Variants in DLG2 observed in about 807,000 individuals in gnomAD.
DLG2 encodes the protein discs large MAGUK scaffold protein 2.
In DLG2, 45 loss-of-function variants were observed where a neutral mutation model predicts 132.5. That is an observed-to-expected ratio of 0.34 (90% confidence interval 0.27 to 0.44). The LOEUF (loss-of-function observed/expected upper bound fraction) is 0.44. Among genes scored for constraint, DLG2 ranks in the 20% least tolerant of loss-of-function variants. The pLI is 1.00. For missense variants in DLG2, 1,045 were observed against 1,196.9 expected, an observed-to-expected ratio of 0.87 and a Z score of 1.87; for synonymous variants, 424 against 419.6, an observed-to-expected ratio of 1.01 and a Z score of -0.13.
intron 5 of DLG2, among the ~76,000 whole-genome samples, chr11:85,120,323 T>C (rs953771706): frequency 6.6e-6 from 1 of 152,090 alleles, no homozygotes; most frequent in Non-Finnish European, 1.5e-5. Flanking sequence ...CAATTAGATA[T>C]GTTCTCAGTT....
intron 8 of DLG2, among the ~76,000 whole-genome samples, chr11:84,213,818 C>CAAAAAAA: frequency 2.1e-5 from 1 of 46,558 alleles, no homozygotes; most frequent in Non-Finnish European, 5.6e-5. Flanking sequence ...GACTCCGTCT[C>CAAAAAAA]AAAAAAAAAA....
chr11:84,089,907 T>G (rs1193096155), intron 10 of DLG2, among the ~76,000 whole-genome samples: 1 of 152,196 alleles, frequency 6.6e-6, no homozygotes, highest in Non-Finnish European at 1.5e-5. Flanking sequence ...ATGTCATTGC[T>G]GCATTGCCAA....
intron 2 of DLG2, among the ~76,000 whole-genome samples, chr11:85,601,337 G>C (rs2080141145): frequency 6.6e-6 from 1 of 151,682 alleles, no homozygotes; most frequent in African/African-American, 2.4e-5. Flanking sequence ...TTAAGTGGTT[G>C]AGTTTAACTT....
At chr11:83,685,445 C>G (rs1173184389) in intron 18 of DLG2, among the ~76,000 whole-genome samples, 2 of 152,144 alleles carry the variant, frequency 1.3e-5, no homozygotes, top group Non-Finnish European at 2.9e-5. Flanking sequence ...CAGCATTTGG[C>G]AGAATCAATT....
At chr11:85,256,549 C>A (rs1041522250) in intron 4 of DLG2, among the ~76,000 whole-genome samples, 1 of 152,174 alleles carries the variant, frequency 6.6e-6, no homozygotes, top group African/African-American at 2.4e-5. Context: ...AACACATACC[C>A]ACTTGGGCTC....
intron 8 of DLG2, among the ~76,000 whole-genome samples, chr11:84,175,247 C>T (rs767214505): frequency 1.3e-5 from 2 of 152,128 alleles, no homozygotes; most frequent in Non-Finnish European, 2.9e-5. Flanking sequence ...CTTGCCAGCT[C>T]CTCACATTGT....
chr11:84,848,988 AC>A (rs1214057788), intron 6 of DLG2, among the ~76,000 whole-genome samples: 2 of 152,226 alleles, frequency 1.3e-5, no homozygotes. Flanking sequence ...AGAAGGCCTG[AC>A]AACTTCTAAT....
intron 14 of DLG2, among the ~76,000 whole-genome samples, chr11:83,948,112 T>C (rs569141005): frequency 2.0e-5 from 3 of 152,370 alleles, no homozygotes; most frequent in East Asian, 3.9e-4. Flanking sequence ...TATTTCGTTT[T>C]GCCTTCATCT....
intron 6 of DLG2, among the ~76,000 whole-genome samples, chr11:84,844,241 G>T (rs912905220): frequency 4.1e-5 from 6 of 148,010 alleles, no homozygotes; most frequent in African/African-American, 1.5e-4. Context: ...TATTTAATGT[G>T]CTTTGTACAT....
intron 18 of DLG2, among the ~76,000 whole-genome samples, chr11:83,764,999 T>A (rs1017180880): frequency 6.6e-6 from 1 of 152,176 alleles, no homozygotes; most frequent in Non-Finnish European, 1.5e-5. Flanking sequence ...TGATCCATGT[T>A]TTTAGAAATA....
chr11:84,069,317 G>C (rs529250113), intron 10 of DLG2, among the ~76,000 whole-genome samples: 1 of 152,290 alleles, frequency 6.6e-6, no homozygotes, highest in East Asian at 1.9e-4. Flanking sequence ...CTGAGTATGT[G>C]ATAAAAGTCC....
chr11:85,092,791 C>T (rs1411993268), intron 6 of DLG2, among the ~76,000 whole-genome samples: 1 of 151,948 alleles, frequency 6.6e-6, no homozygotes, highest in African/African-American at 2.4e-5. Context: ...TACAGGCATG[C>T]GCTGCCACGA....
intron 3 of DLG2, among the ~76,000 whole-genome samples, chr11:85,471,788 T>G (rs1039884730): frequency 6.6e-6 from 1 of 151,976 alleles, no homozygotes; most frequent in Non-Finnish European, 1.5e-5. Flanking sequence ...ATCAATGAGC[T>G]AAAGGAAGAA....
At chr11:84,893,518 C>G (rs2089745107) in intron 6 of DLG2, among the ~76,000 whole-genome samples, 2 of 152,106 alleles carry the variant, frequency 1.3e-5, no homozygotes, top group Non-Finnish European at 2.9e-5. Context: ...GAGCTCAGGT[C>G]CCTTCTTCCT....
intron 8 of DLG2, among the ~76,000 whole-genome samples, chr11:84,224,973 G>T (rs1312557734): frequency 6.6e-6 from 1 of 152,090 alleles, no homozygotes; most frequent in African/African-American, 2.4e-5. Flanking sequence ...AAGATGATTT[G>T]CCTTTCCTGA....
chr11:85,239,909 A>G (rs922848488), intron 4 of DLG2, among the ~76,000 whole-genome samples: 33 of 151,968 alleles, frequency 2.2e-4, no homozygotes, highest in Admixed American at 1.3e-3. Flanking sequence ...TCTCTAGGGT[A>G]TATACCTAGG....
intron 7 of DLG2, among the ~76,000 whole-genome samples, chr11:84,411,748 A>C (rs1349599870): frequency 1.3e-5 from 2 of 152,196 alleles, no homozygotes; most frequent in Non-Finnish European, 2.9e-5. Flanking sequence ...GTATTACACA[A>C]CACATAGTAT....
chr11:83,800,472 TCCC>T (rs2044052518), intron 17 of DLG2, among the ~76,000 whole-genome samples: 2 of 152,226 alleles, frequency 1.3e-5, no homozygotes, highest in Admixed American at 1.3e-4. Flanking sequence ...TAAGTTCCCT[TCCC>T]CTCCTGGAGG....
At chr11:83,670,746 G>C (rs185626569) in intron 18 of DLG2, among the ~76,000 whole-genome samples, 2 of 152,204 alleles carry the variant, frequency 1.3e-5, no homozygotes, top group African/African-American at 4.8e-5. Context: ...AACTCTGAAG[G>C]ACAGATATAT....
Sources: gnomAD v4.1 joint callset for allele counts (sites outside exome capture counted in the v4.1 genomes callset) on GRCh38, gnomAD v4.1.1 for gene constraint, MANE v1.5 for transcripts, NCBI Gene and HGNC (gene_info 2026-07-23, HGNC 2026-07-21) for gene names.